Variants in GALNT17 observed in about 807,000 individuals in gnomAD.
The protein encoded by GALNT17 is UDP-GalNAc:polypeptide N-acetylgalactosaminyltransferase-like 3.
GALNT17 carries 29 observed loss-of-function variants against 63.7 expected under a neutral mutation model. That is an observed-to-expected ratio of 0.46 (90% CI 0.34 to 0.62). The LOEUF (loss-of-function observed/expected upper bound fraction) is 0.62, where lower values mean the gene tolerates loss of function less well. Ranked by LOEUF, GALNT17 falls within the 20% of genes least tolerant of loss-of-function variation. The pLI is 0.01. For synonymous variants in GALNT17, 305 were observed against 318.3 expected (o/e 0.96, Z 0.45); for missense variants, 603 against 799.6 (o/e 0.75, Z 2.97).
chr7:71,344,639 T>C (rs1792059150), intron 2 of GALNT17, among the ~76,000 whole-genome samples: 1 of 152,158 alleles, frequency 6.6e-6, no homozygotes, highest in East Asian at 1.9e-4. Context: ...GATGGCTAAA[T>C]ATTAAGTCAT....
intron 1 of GALNT17, among the ~76,000 whole-genome samples, chr7:71,265,118 A>ATATATATATATATCTATATATTTTTT (rs1390488895): frequency 2.7e-5 from 1 of 37,460 alleles, no homozygotes; most frequent in African/African-American, 6.9e-5. Flanking sequence ...ATATATATAT[A>ATATATATATATATCTATATATTTTTT]TTTTTTTTTT....
intron 2 of GALNT17, among the ~76,000 whole-genome samples, chr7:71,369,976 G>A (rs575435171): frequency 6.6e-6 from 1 of 152,262 alleles, no homozygotes; most frequent in South Asian, 2.1e-4. Flanking sequence ...TTCTGTCCTA[G>A]GGTGGAAGTG....
chr7:71,615,477 T>TC (rs1478507825), intron 6 of GALNT17, among the ~76,000 whole-genome samples: 1 of 138,764 alleles, frequency 7.2e-6, no homozygotes. Flanking sequence ...ACTTTTTTTT[T>TC]TTTTTTTTTT....
In GALNT17 at chr7:71,697,996, G is replaced by A. The variant is rs188112781; in HGVS notation, c.1501-12765G>A. Among the ~76,000 whole-genome samples, 34 of 151,866 alleles carry A rather than the reference G, an allele frequency of 2.2e-4. No homozygotes were observed. The South Asian group carries it at 2.7e-3, about 12-fold the overall frequency. The stretch of plus-strand genomic sequence containing the variant: ...ACATTAGCCAGGCATGGTGGTGGGC[G>A]CCTGTAATCCCAGCTACTCAGGAGG... On this transcript the variant is annotated intron_variant, in intron 9 of 10. Transcript: ENST00000333538.
chr7:71,532,957 G>A (rs924567458), intron 5 of GALNT17, among the ~76,000 whole-genome samples: 1 of 152,088 alleles, frequency 6.6e-6, no homozygotes, highest in African/African-American at 2.4e-5. Flanking sequence ...GAGAGTGTGT[G>A]CCCCACCTCC....
intron 1 of GALNT17, among the ~76,000 whole-genome samples, chr7:71,307,333 G>A (rs964485400): frequency 6.6e-6 from 1 of 151,998 alleles, no homozygotes; most frequent in African/African-American, 2.4e-5. Context: ...CCATTTTAAT[G>A]GGTGTGAGGT....
At chr7:71,141,840 CTGTGTG>C (rs34121771) in intron 1 of GALNT17, among the ~76,000 whole-genome samples, 3,381 of 125,036 alleles carry the variant, frequency 0.027, 67 homozygotes, top group East Asian at 0.067. Context: ...CCACGTCTGG[CTGTGTG>C]TGTGTGTGTG....
chr7:71,421,929 A>T (rs1727452945), intron 5 of GALNT17, among the ~76,000 whole-genome samples: 1 of 151,672 alleles, frequency 6.6e-6, no homozygotes. Context: ...CAGCCTGGGC[A>T]ACAAGAGCAA....
At position 71,183,449 on chromosome 7, in the gene GALNT17, G is replaced by A. The variant is rs368480785; in HGVS notation, c.238+50409G>A. Among the ~76,000 whole-genome samples the A allele has an allele frequency of 6.8e-4, 103 of 152,206 alleles. 2 individuals carry two copies. The East Asian group carries it at 0.02, about 29-fold the overall frequency. On this transcript the variant is annotated intron_variant, in intron 1 of 10. Coordinates refer to ENST00000333538, the MANE Select transcript of GALNT17 (RefSeq NM_022479.3). ...CATTTTTGAGGTCAAGGGACTTCCTGGGGGTATTGAATTCCTCCCACGTCA... is the reference window on the plus strand; with the variant it reads ...CATTTTTGAGGTCAAGGGACTTCCTAGGGGTATTGAATTCCTCCCACGTCA...
chr7:71,133,782 T>C (rs1298468020), intron 1 of GALNT17, among the ~76,000 whole-genome samples: 2 of 152,166 alleles, frequency 1.3e-5, no homozygotes, highest in Non-Finnish European at 2.9e-5. Context: ...TTATGTGCTC[T>C]TGTCACACCT....
chr7:71,296,284 C>T (rs1791077529), intron 1 of GALNT17, among the ~76,000 whole-genome samples: 1 of 152,140 alleles, frequency 6.6e-6, no homozygotes. Flanking sequence ...GGATTTCTTA[C>T]ACCTGCCCCA....
chr7:71,654,794 C>A (rs1283819734), intron 6 of GALNT17, among the ~76,000 whole-genome samples: 3 of 152,002 alleles, frequency 2.0e-5, no homozygotes, highest in Non-Finnish European at 4.4e-5. Context: ...TATTTTATTG[C>A]ATTATTTTAT....
At chr7:71,679,600 G>A (rs1186896989) in intron 9 of GALNT17, among the ~76,000 whole-genome samples, 3 of 152,098 alleles carry the variant, frequency 2.0e-5, no homozygotes, top group Non-Finnish European at 4.4e-5. Context: ...AACCCACGGT[G>A]CTGGGGCCTG....
At chr7:71,700,049 T>C (rs1029796751) in intron 9 of GALNT17, among the ~76,000 whole-genome samples, 8 of 151,900 alleles carry the variant, frequency 5.3e-5, no homozygotes, top group East Asian at 1.9e-4. Flanking sequence ...CACAGCAGTT[T>C]GGGAGGCCAA....
At chr7:71,541,840 T>A (rs1788898107) in intron 5 of GALNT17, among the ~76,000 whole-genome samples, 1 of 152,206 alleles carries the variant, frequency 6.6e-6, no homozygotes, top group East Asian at 1.9e-4. Flanking sequence ...TATTATTAAA[T>A]CACCATTCAG....
chr7:71,446,745 C>T (rs536957875), intron 5 of GALNT17, among the ~76,000 whole-genome samples: 218 of 152,270 alleles, frequency 1.4e-3, no homozygotes, highest in African/African-American at 4.9e-3. Flanking sequence ...GACAGGGTTT[C>T]ACCACATTGG....
intron 1 of GALNT17, among the ~76,000 whole-genome samples, chr7:71,326,248 A>G (rs1791702513): frequency 6.6e-6 from 1 of 152,192 alleles, no homozygotes; most frequent in South Asian, 2.1e-4. Flanking sequence ...GCTTGAGTCC[A>G]GGAGTTTGGG....
At chr7:71,561,142 A>G (rs1428041589) in intron 5 of GALNT17, among the ~76,000 whole-genome samples, 2 of 152,134 alleles carry the variant, frequency 1.3e-5, no homozygotes, top group East Asian at 3.9e-4. Flanking sequence ...CCTCCCGAGT[A>G]GCTGGGACCA....
chr7:71,531,633 C>T (rs752285478), intron 5 of GALNT17, among the ~76,000 whole-genome samples: 2 of 152,188 alleles, frequency 1.3e-5, no homozygotes, highest in Admixed American at 1.3e-4. Context: ...GACAGGGTCT[C>T]ACTGTGTTGA....
Sources: gnomAD v4.1 joint callset for allele counts (sites outside exome capture counted in the v4.1 genomes callset) on GRCh38, gnomAD v4.1.1 for gene constraint, MANE v1.5 for transcripts, NCBI Gene and HGNC (gene_info 2026-07-23, HGNC 2026-07-21) for gene names.